LRRN4: variants seen among roughly 807,000 people sequenced by gnomAD.
LRRN4 encodes leucine-rich repeat neuronal protein 4.
LRRN4 carries 26 observed loss-of-function variants against 22.3 expected under a neutral mutation model. The ratio of observed to expected loss-of-function variants is 1.16; its 90% CI spans 0.85 to 1.62. The LOEUF is 1.62. LRRN4 is among the 40% of genes most tolerant of loss of function. The pLI is 0.00. For synonymous variants in LRRN4, 496 were observed against 486.2 expected (o/e 1.02, Z -0.26); for missense variants, 1,070 against 1,008.5 (o/e 1.06, Z -0.83).
chr20:6,049,418 C>T (rs1388464655), intron 3 of LRRN4, among the ~76,000 whole-genome samples: 1 of 152,146 alleles, frequency 6.6e-6, no homozygotes, highest in Non-Finnish European at 1.5e-5. Flanking sequence ...GTCATCATGA[C>T]CATCAATATC....
At chr20:6,042,430 A>G (rs1980990611) in intron 4 of LRRN4, among the ~76,000 whole-genome samples, 184 bp from the exon 5 acceptor site, 1 of 152,138 alleles carries the variant, frequency 6.6e-6, no homozygotes, top group African/African-American at 2.4e-5. Context: ...CCTTTGGAGG[A>G]AGCTCCTGTC....
At chr20:6,052,848 C>T (rs1284080873) in intron 1 of LRRN4, 44 bp from the exon 2 acceptor site, 3 of 1,503,046 alleles carry the variant, frequency 2.0e-6, no homozygotes, top group South Asian at 1.3e-5. Flanking sequence ...CACAGGAACC[C>T]CCGCACAAAG....
rs534496043 is a variant in LRRN4, at chr20:6,043,854, G to A, written c.998+689C>T. ...GCCCAGGAGGTTGAGGCTGTAATGA[G>A]ATATGATTGTACCACTGCACTCCAG... On this transcript the variant is annotated intron_variant, in intron 4 of 4. Transcript: ENST00000378858. Among the ~76,000 whole-genome samples, 10 of 152,106 alleles carry A rather than the reference G, an allele frequency of 6.6e-5. No individual in the cohort carries two copies. The South Asian group carries it at 2.1e-3, about 32-fold the overall frequency.
At chr20:6,045,323 A>G (rs2123053604) in intron 3 of LRRN4, among the ~76,000 whole-genome samples, 2 of 148,358 alleles carry the variant, frequency 1.3e-5, no homozygotes, top group South Asian at 4.3e-4. Context: ...CTGTAATCCC[A>G]GTTACTCGGG....
At chr20:6,044,403 A>G (rs562884972) in intron 4 of LRRN4, 140 bp downstream of exon 4, 439 of 816,468 alleles carry the variant, frequency 5.4e-4, no homozygotes, top group Non-Finnish European at 6.4e-4. Context: ...ATCCCTGAGT[A>G]TGACTACATG....
Position 6,041,509 on chromosome 20 carries a change from A to ATGG in LRRN4, c.1733_1735dup (p.Thr578dup). The ATGG allele has an allele frequency of 1.3e-6, 2 of 1,559,402 alleles. No individual in the cohort carries two copies. The highest frequency in any genetic ancestry group is 2.7e-5 in the African/African-American group (2 of 73,752). On this transcript the variant is annotated inframe_insertion, in exon 5 of 5. Coordinates refer to ENST00000378858, the MANE Select transcript of LRRN4 (RefSeq NM_152611.5). This position sits in a 1 kb window ranked among gnomAD's most constrained non-coding sequence, Gnocchi z 9.4. ...CCCCTGCAGCCTGGGCGGGTCTGGGATGGTGTCTTCCCCGCTGAGGCCGGG... is the reference window on the plus strand; with the variant it reads ...CCCCTGCAGCCTGGGCGGGTCTGGGATGGTGGTGTCTTCCCCGCTGAGGCCGGG...
At chr20:6,047,871 G>T (rs1479727271) in intron 3 of LRRN4, among the ~76,000 whole-genome samples, 1 of 151,954 alleles carries the variant, frequency 6.6e-6, no homozygotes, top group African/African-American at 2.4e-5. Context: ...AGACCTCCCT[G>T]GTCTAAAATG....
chr20:6,046,570 G>C (rs1206671934), intron 3 of LRRN4, among the ~76,000 whole-genome samples: 1 of 148,304 alleles, frequency 6.7e-6, no homozygotes, highest in Non-Finnish European at 1.5e-5. Context: ...ATTCATCATG[G>C]GCAATGGGAG....
At chr20:6,047,895 T>C (rs2123055866) in intron 3 of LRRN4, among the ~76,000 whole-genome samples, 1 of 151,688 alleles carries the variant, frequency 6.6e-6, no homozygotes, top group Admixed American at 6.6e-5. Context: ...CCTGTGAAGA[T>C]GGAAACATCT....
In LRRN4 at chr20:6,052,663, G is replaced by A. The variant is rs777850210; in HGVS notation, c.137C>T (p.Ser46Leu). 18 of 1,581,596 alleles carry A rather than the reference G, an allele frequency of 1.1e-5. No homozygotes were observed. Among genetic ancestry groups the A allele is most frequent in the Non-Finnish European group, 1.5e-5 (18 of 1,171,834 alleles). Residue 46 changes from serine (S) to leucine (L), a missense_variant, in exon 2 of 5, where the codon TCG (serine) becomes TTG (leucine). Physicochemically the swap from Ser to Leu is moderately radical, Grantham distance 145 (BLOSUM62 -2). Transcript: ENST00000378858. Reference sequence around the variant, plus strand: ...CGCGGCGGGCAGCCCCTCGCAGGGCGAGTCGGTGGCGTTGCTGCCACTGCT... The same window carrying A: ...CGCGGCGGGCAGCCCCTCGCAGGGCAAGTCGGTGGCGTTGCTGCCACTGCT... ...WGSSGSNATD[S>L]PCEGLPAADA...
chr20:6,052,543 A>C lies in LRRN4; in HGVS notation c.257T>G (p.Leu86Arg). 6.3e-7 allele frequency: 1 copy of C among 1,588,780 alleles called. No homozygotes were observed. The highest frequency in any genetic ancestry group is 8.5e-7 in the Non-Finnish European group (1 of 1,175,242). The part of the protein sequence containing the change: ...TLRSLDASHN[L>R]LRALSTSELG... ...CTCGGAAGTGCTCAGGGCGCGCAGC[A>C]GGTTGTGGCTGGCGTCGAGGCTGCG... The change falls in exon 2 of 5, where the codon CTG (leucine) becomes CGG (arginine). Residue 86 changes from leucine to arginine, a missense_variant. Coordinates refer to ENST00000378858, the MANE Select transcript of LRRN4 (RefSeq NM_152611.5).
rs974574166 is a variant in LRRN4, at chr20:6,040,776, G to A, written c.*246C>T. The A allele has an allele frequency of 1.1e-5, 6 of 558,028 alleles. No homozygotes were observed. Among genetic ancestry groups the A allele is most frequent in the Non-Finnish European group, 1.6e-5 (5 of 317,732 alleles). The allele number at this position is 558,028 out of a possible 1,614,324, so 34.6% of individuals were successfully genotyped here. A position where few individuals can be genotyped will look rare whatever the true frequency, so the allele number is the denominator to read the frequency against. ...AACCAACAACACACAAGAAGGCCTG[G>A]CGGCAGTGGGGAGCGATCTGGCATT... On this transcript the variant is annotated 3_prime_UTR_variant, in exon 5 of 5. Transcript: ENST00000378858.
intron 3 of LRRN4, among the ~76,000 whole-genome samples, chr20:6,050,395 G>T (rs753585338): frequency 2.7e-4 from 41 of 152,156 alleles, no homozygotes; most frequent in South Asian, 6.2e-4. Context: ...TTCATCCCTA[G>T]ACCCACTCAA....
In LRRN4 at chr20:6,040,915, A is replaced by C; in HGVS notation, c.*107T>G. 3 of 1,476,612 alleles carry C rather than the reference A, an allele frequency of 2.0e-6. No homozygotes were observed. The highest frequency in any genetic ancestry group is 2.6e-5 in the South Asian group (2 of 75,568). The allele number at this position is 1,476,612 out of a possible 1,614,324, so 91.5% of individuals were successfully genotyped here. On this transcript the variant is annotated 3_prime_UTR_variant, in exon 5 of 5. Coordinates refer to ENST00000378858, the MANE Select transcript of LRRN4 (RefSeq NM_152611.5). Reference sequence around the variant, plus strand: ...TGTGTGCTCAAGGCATTCTGGCTTCACGGGAATTAGAAACCCTAGGAGCGG... The same window carrying C: ...TGTGTGCTCAAGGCATTCTGGCTTCCCGGGAATTAGAAACCCTAGGAGCGG...
rs370743397 is a variant in LRRN4, at chr20:6,041,162, G to A, written c.2083C>T (p.Leu695Phe). The part of the protein sequence containing the change: ...SGLCAASGLL[L>F]ASTVVLSACL... ...GCGGACAGCACCACGGTGCTGGCGA[G>A]CAACAGGCCGCTGGCGGCGCACAGC... Residue 695 changes from leucine (L) to phenylalanine (F), a missense_variant, in exon 5 of 5, where the codon CTC (leucine) becomes TTC (phenylalanine). Leu to Phe is a conservative substitution (Grantham distance 22). Coordinates refer to ENST00000378858, the MANE Select transcript of LRRN4 (RefSeq NM_152611.5). This position sits in a 1 kb window ranked among gnomAD's most constrained non-coding sequence, Gnocchi z 9.4. The A allele has an allele frequency of 3.4e-5, 55 of 1,602,026 alleles. No individual in the cohort carries two copies. The highest frequency in any genetic ancestry group is 4.7e-5 in the Non-Finnish European group (55 of 1,173,940).
chr20:6,044,046 C>T (rs11700071), intron 4 of LRRN4, among the ~76,000 whole-genome samples: 1 of 152,186 alleles, frequency 6.6e-6, no homozygotes, highest in African/African-American at 2.4e-5. Flanking sequence ...CCACTGTCTC[C>T]TGGTGGCCAG....
chr20:6,052,643 C>T lies in LRRN4; in HGVS notation c.157G>A (p.Ala53Thr). Reference protein sequence around the residue: ...ATDSPCEGLPAADATALTLAN... With the variant: ...ATDSPCEGLPTADATALTLAN... ...AGGGTCAAGGCCGTCGCATCCGCGG[C>T]GGGCAGCCCCTCGCAGGGCGAGTCG... The change falls in exon 2 of 5, where the codon GCC becomes ACC. Residue 53 changes from alanine to threonine, a missense_variant. Coordinates refer to ENST00000378858, the MANE Select transcript of LRRN4 (RefSeq NM_152611.5). The T allele has an allele frequency of 1.3e-6, 2 of 1,584,216 alleles. No individual in the cohort carries two copies. The highest frequency in any genetic ancestry group is 1.7e-6 in the Non-Finnish European group (2 of 1,173,008).
intron 4 of LRRN4, among the ~76,000 whole-genome samples, chr20:6,042,621 G>A (rs1053651243): frequency 6.6e-6 from 1 of 152,060 alleles, no homozygotes; most frequent in Non-Finnish European, 1.5e-5. Flanking sequence ...GAAAGCACTA[G>A]TAATAAAAAT....
chr20:6,042,864 A>C (rs1430534789), intron 4 of LRRN4, among the ~76,000 whole-genome samples: 1 of 148,436 alleles, frequency 6.7e-6, no homozygotes, highest in Non-Finnish European at 1.5e-5. Flanking sequence ...GGTTGCAGTG[A>C]GCTGAGATTG....
Sources: gnomAD v4.1 joint callset for allele counts (sites outside exome capture counted in the v4.1 genomes callset) on GRCh38, gnomAD v4.1.1 for gene constraint, Gnocchi (gnomAD v3.1) non-coding constraint, MANE v1.5 for transcripts, NCBI Gene and HGNC (gene_info 2026-07-23, HGNC 2026-07-21) for gene names.